RECQL5: variants seen among roughly 807,000 people sequenced by gnomAD.
The protein encoded by RECQL5 is ATP-dependent DNA helicase Q5.
RECQL5 carries 88 observed loss-of-function variants against 103.4 expected under a neutral mutation model. The ratio of observed to expected loss-of-function variants is 0.85; its 90% CI spans 0.72 to 1.02. The LOEUF (loss-of-function observed/expected upper bound fraction) is 1.02, where lower values mean the gene tolerates loss of function less well. RECQL5 is among the 50% of genes least tolerant of loss of function. RECQL5 has a pLI of 0.00. For synonymous variants in RECQL5, 552 were observed against 507.9 expected (o/e 1.09, Z -1.17); for missense variants, 1,232 against 1,284.3 (o/e 0.96, Z 0.62).
intron 13 of RECQL5, 35 bp from the exon 14 acceptor site, chr17:75,630,312 G>A (rs777003999): frequency 7.9e-6 from 12 of 1,512,626 alleles, no homozygotes; most frequent in Non-Finnish European, 9.8e-6. Context: ...AAGGTATCAG[G>A]TGGGCCTGGG....
chr17:75,647,598 G>A (rs2059504703), intron 8 of RECQL5: 1 of 1,545,548 alleles, frequency 6.5e-7, no homozygotes, highest in African/African-American at 1.4e-5. Flanking sequence ...TGGCAGCAGG[G>A]GAGGCGAGCT....
intron 8 of RECQL5, chr17:75,634,082 C>T (rs1373263274): frequency 2.0e-6 from 2 of 985,532 alleles, no homozygotes; most frequent in Admixed American, 1.2e-4. Flanking sequence ...TGGCTGTCAG[C>T]AGAGGAGCTG....
intron 8 of RECQL5, among the ~76,000 whole-genome samples, chr17:75,643,786 C>T (rs764265155): frequency 6.6e-5 from 10 of 152,332 alleles, no homozygotes; most frequent in Non-Finnish European, 7.3e-5. Context: ...TCTCTGTTCC[C>T]GCCACTGTGC....
At position 75,630,313 on chromosome 17, in the gene RECQL5, T is replaced by G. The variant is rs369527728; in HGVS notation, c.1719-36A>C. On this transcript the variant is annotated intron_variant, in intron 13 of 19. Coordinates refer to ENST00000317905, the MANE Select transcript of RECQL5 (RefSeq NM_004259.7). Reference sequence around the variant, plus strand: ...AAGGTAACAGGCACAAGGTATCAGGTGGGCCTGGGCTTCTCCCTGCTGAGC... The same window carrying G: ...AAGGTAACAGGCACAAGGTATCAGGGGGGCCTGGGCTTCTCCCTGCTGAGC... The G allele has an allele frequency of 2.0e-6, 3 of 1,508,444 alleles. No homozygotes were observed. The East Asian group carries it at 7.4e-5, about 37-fold the overall frequency. 93.4% of individuals were successfully genotyped at this position (1,508,444 alleles called of 1,614,324 possible). A position where few individuals can be genotyped will look rare whatever the true frequency, so the allele number is the denominator to read the frequency against.
At chr17:75,648,771 T>C (rs1182753623) in intron 8 of RECQL5, 23 of 148,244 alleles carry the variant, frequency 1.6e-4, no homozygotes, top group African/African-American at 5.5e-4. Flanking sequence ...CTTCTGAGTT[T>C]ACATGATCCT....
rs1433492577 is a variant in RECQL5 at position 75,633,452 on chromosome 17, C to T, written c.1230-1784G>A. On this transcript the variant is annotated intron_variant, in intron 8 of 19. Coordinates refer to ENST00000317905, the MANE Select transcript of RECQL5 (RefSeq NM_004259.7). ...GTGCGGTCACAGCCCCAGCAGAAGGCCCTCACCTCACAAGGAACATGAGGC... is the reference window on the plus strand; with the variant it reads ...GTGCGGTCACAGCCCCAGCAGAAGGTCCTCACCTCACAAGGAACATGAGGC... 6 of 1,289,136 alleles carry T rather than the reference C, an allele frequency of 4.7e-6. No individual in the cohort carries two copies. The South Asian group carries it at 6.2e-5, about 13-fold the overall frequency. The allele number at this position is 1,289,136 out of a possible 1,614,324, so 79.9% of individuals were successfully genotyped here. A position where few individuals can be genotyped will look rare whatever the true frequency, so the allele number is the denominator to read the frequency against.
intron 2 of RECQL5, among the ~76,000 whole-genome samples, chr17:75,666,147 C>A (rs987101352): frequency 6.6e-6 from 1 of 152,026 alleles, no homozygotes; most frequent in Admixed American, 6.6e-5. Flanking sequence ...AGCTTTGGGC[C>A]GGGCGTGGTG....
rs764436110 is a variant in RECQL5, at chr17:75,627,426, C to G, written c.2972G>C (p.Arg991Thr). The G allele has an allele frequency of 6.2e-7, 1 of 1,613,210 alleles. No individual in the cohort carries two copies. The highest frequency in any genetic ancestry group is 8.5e-7 in the Non-Finnish European group (1 of 1,179,832). Residue 991 changes from arginine to threonine, a missense_variant, in exon 20 of 20, where the codon AGA (arginine) becomes ACA (threonine). By Grantham distance (71) the Arg-to-Thr change is moderately conservative. Coordinates refer to ENST00000317905, the MANE Select transcript of RECQL5 (RefSeq NM_004259.7). ...ADWHGLCGPQ[R>T] ...CCCTGCCCAGCCAGCAGTTGGTCAT[C>G]TCTGGGGGCCACACAGGCCATGCCA...
At chr17:75,656,814 G>C (rs1218924239) in intron 7 of RECQL5, among the ~76,000 whole-genome samples, 1 of 149,284 alleles carries the variant, frequency 6.7e-6, no homozygotes, top group Non-Finnish European at 1.5e-5. Flanking sequence ...GCGTGATCTC[G>C]GCTCACTGCA....
intron 2 of RECQL5, among the ~76,000 whole-genome samples, chr17:75,665,644 C>G (rs921494350): frequency 2.0e-5 from 3 of 148,864 alleles, no homozygotes; most frequent in South Asian, 4.2e-4. Flanking sequence ...GAGCCGAGAT[C>G]GCGCCACTGC....
chr17:75,651,644 AAT>A (rs1437171002), intron 7 of RECQL5, among the ~76,000 whole-genome samples: 3 of 152,156 alleles, frequency 2.0e-5, no homozygotes, highest in Non-Finnish European at 2.9e-5. Context: ...AAATGACAGT[AAT>A]AAAGCCATTT....
At chr17:75,647,689 T>A (rs820207) in intron 8 of RECQL5, 2 of 897,036 alleles carry the variant, frequency 2.2e-6, no homozygotes, top group Admixed American at 2.7e-5. Context: ...TCCTTTCCCA[T>A]CAGGAAAAAG....
At chr17:75,628,005 A>AT (rs1393716094) in intron 18 of RECQL5, among the ~76,000 whole-genome samples, 46 of 146,586 alleles carry the variant, frequency 3.1e-4, no homozygotes, top group South Asian at 8.5e-4. Context: ...GGCGACAGAG[A>AT]TAAAAAAAAA....
intron 6 of RECQL5, 87 bp downstream of exon 6, chr17:75,660,868 A>G (rs377739939): frequency 2.1e-6 from 2 of 958,916 alleles, no homozygotes. Context: ...GAAGGAGCAC[A>G]TGCACCTGGT....
Position 75,630,838 on chromosome 17 carries a change from C to CTG in RECQL5, c.1586-3_1586-2dup, listed in dbSNP as rs142406301. 6.6e-4 allele frequency: 631 copies of CTG among 951,946 alleles called. 2 individuals are homozygous for CTG. The highest frequency in any genetic ancestry group is 6.5e-3 in the Middle Eastern group (25 of 3,870). 59.0% of individuals were successfully genotyped at this position (951,946 alleles called of 1,614,324 possible). Reference sequence around the variant, plus strand: ...GCCTCTTTCAGGGGACAGTTCTCATCTGTGGGGGGGGGGGGTGGTCCTTGG... The same window carrying CTG: ...GCCTCTTTCAGGGGACAGTTCTCATCTGTGTGGGGGGGGGGGGTGGTCCTTGG... On this transcript the variant is annotated splice_acceptor_variant, in intron 11 of 19. Coordinates refer to ENST00000317905, the MANE Select transcript of RECQL5 (RefSeq NM_004259.7). LOFTEE classifies it high-confidence loss of function.
chr17:75,630,019 T>A (rs1451954623), intron 14 of RECQL5, among the ~76,000 whole-genome samples, 165 bp downstream of exon 14: 1 of 150,396 alleles, frequency 6.6e-6, no homozygotes, highest in Non-Finnish European at 1.5e-5. Context: ...TAGAAACATG[T>A]CCAGCCAGTG....
chr17:75,660,714 C>CTGCATG (rs2059687780), intron 6 of RECQL5, among the ~76,000 whole-genome samples: 1 of 152,220 alleles, frequency 6.6e-6, no homozygotes, highest in Non-Finnish European at 1.5e-5. Context: ...AAAGGACAAG[C>CTGCATG]CTGACAGACT....
At chr17:75,631,880 A>G (rs184376867) in intron 8 of RECQL5, among the ~76,000 whole-genome samples, 1 of 152,344 alleles carries the variant, frequency 6.6e-6, no homozygotes, top group East Asian at 1.9e-4. Flanking sequence ...AACTTTCCCA[A>G]GGTCACGTAA....
chr17:75,645,597 C>G (rs931237523), intron 8 of RECQL5, among the ~76,000 whole-genome samples: 16 of 152,212 alleles, frequency 1.1e-4, no homozygotes, highest in African/African-American at 3.4e-4. Flanking sequence ...GAGCTGCACG[C>G]AAAGGGTGAG....
Sources: gnomAD v4.1 joint callset for allele counts (sites outside exome capture counted in the v4.1 genomes callset) on GRCh38, gnomAD v4.1.1 for gene constraint, MANE v1.5 for transcripts, NCBI Gene and HGNC (gene_info 2026-07-23, HGNC 2026-07-21) for gene names.